The following CAMKMT variants were observed in gnomAD, a reference collection of about 807,000 sequenced individuals.
CAMKMT encodes calmodulin-lysine N-methyltransferase, also known as CaM KMT.
Under a neutral mutation model 48.0 loss-of-function variants are expected in CAMKMT, and 53 were observed. The observed-to-expected ratio is 1.10, with a 90% confidence interval of 0.89 to 1.39. CAMKMT has a LOEUF of 1.39. Ranked by LOEUF, CAMKMT falls within the 40% of genes most tolerant of loss-of-function variation. The probability of loss-of-function intolerance (pLI) is 0.00; values close to 1 mark genes in which losing one functional copy is unlikely to be tolerated. For missense variants in CAMKMT, 428 were observed against 402.7 expected (o/e 1.06, Z -0.54); for synonymous variants, 165 against 152.3 (o/e 1.08, Z -0.61).
Position 44,642,050 on chromosome 2 carries a change from G to T in CAMKMT, c.377-62233G>T, listed in dbSNP as rs546498459. ...TTCTGAAAGGCTTGTATTGTTTCCA[G>T]ACCTCTTACCTTATTTGTTTGTATT... On this transcript the variant is annotated intron_variant, in intron 3 of 10. Coordinates refer to ENST00000378494, the MANE Select transcript of CAMKMT (RefSeq NM_024766.5). Among the ~76,000 whole-genome samples, 13 of 152,280 alleles carry T rather than the reference G, an allele frequency of 8.5e-5. No homozygotes were observed. The South Asian group carries it at 2.1e-3, about 24-fold the overall frequency.
chr2:44,502,483 G>C lies in CAMKMT; in HGVS notation c.376+112178G>C, dbSNP rs535986993. ...CAGTGCTTTATTTCAGTTTCACTGT[G>C]TCCATTCTCTAGAAATTAATCTGAT... On this transcript the variant is annotated intron_variant, in intron 3 of 10. Coordinates refer to ENST00000378494, the MANE Select transcript of CAMKMT (RefSeq NM_024766.5). Among the ~76,000 whole-genome samples, 3 of 152,024 alleles carry C rather than the reference G, an allele frequency of 2.0e-5. No homozygotes were observed. In the East Asian group the frequency reaches 5.8e-4, roughly 29 times the overall value.
At chr2:44,453,077 T>TA (rs1667377063) in intron 3 of CAMKMT, among the ~76,000 whole-genome samples, 1 of 152,042 alleles carries the variant, frequency 6.6e-6, no homozygotes, top group Non-Finnish European at 1.5e-5. Context: ...GTTAACAACT[T>TA]ATCATGTATT....
At chr2:44,552,127 C>T (rs1463671059) in intron 3 of CAMKMT, among the ~76,000 whole-genome samples, 1 of 152,080 alleles carries the variant, frequency 6.6e-6, no homozygotes, top group Non-Finnish European at 1.5e-5. Context: ...GGTGATTTCT[C>T]ATCTCTCATC....
chr2:44,651,809 C>T (rs1336114838), intron 3 of CAMKMT, among the ~76,000 whole-genome samples: 1 of 152,112 alleles, frequency 6.6e-6, no homozygotes, highest in African/African-American at 2.4e-5. Flanking sequence ...TTAAAATCCT[C>T]CTGTACTTTT....
intron 1 of CAMKMT, among the ~76,000 whole-genome samples, chr2:44,369,201 T>G (rs1678919909): frequency 6.6e-6 from 1 of 152,116 alleles, no homozygotes; most frequent in Non-Finnish European, 1.5e-5. Context: ...TGCTTTTGAT[T>G]AAGTCTTTTA....
rs143916972 is a variant in CAMKMT, at chr2:44,525,358, C to T, written c.376+135053C>T. ...GCAACCTCTGCCTCCCGGATTCAAG[C>T]AATTCTCCTGCCTCAGCCTCCGAGT... On this transcript the variant is annotated intron_variant, in intron 3 of 10. Coordinates refer to ENST00000378494, the MANE Select transcript of CAMKMT (RefSeq NM_024766.5). 1.8e-3 allele frequency among the ~76,000 whole-genome samples: 268 copies of T among 152,112 alleles called. No homozygotes were observed. In the Middle Eastern group the frequency reaches 0.027, roughly 15 times the overall value.
At chr2:44,524,340 A>G (rs1460582416) in intron 3 of CAMKMT, among the ~76,000 whole-genome samples, 1 of 152,208 alleles carries the variant, frequency 6.6e-6, no homozygotes, top group Non-Finnish European at 1.5e-5. Context: ...CCATCCCATA[A>G]CCAGGAGTTG....
chr2:44,672,911 C>G (rs764622071), intron 3 of CAMKMT, among the ~76,000 whole-genome samples: 1 of 152,118 alleles, frequency 6.6e-6, no homozygotes, highest in East Asian at 1.9e-4. Context: ...TTCTAATAAA[C>G]AGACATTTCA....
chr2:44,720,086 A>G (rs1031650315), intron 7 of CAMKMT, among the ~76,000 whole-genome samples: 1 of 152,174 alleles, frequency 6.6e-6, no homozygotes, highest in Non-Finnish European at 1.5e-5. Flanking sequence ...AGATGGGCTC[A>G]TATCCCTACT....
intron 3 of CAMKMT, among the ~76,000 whole-genome samples, chr2:44,619,497 A>G (rs982981581): frequency 5.9e-5 from 9 of 152,132 alleles, no homozygotes; most frequent in Non-Finnish European, 1.0e-4. Context: ...GCAAACACAT[A>G]TGTGTGTGTA....
intron 3 of CAMKMT, among the ~76,000 whole-genome samples, chr2:44,634,957 G>A (rs563554648): frequency 1.3e-5 from 2 of 152,190 alleles, no homozygotes; most frequent in African/African-American, 2.4e-5. Context: ...GCCTGTAATC[G>A]CAGTGCTTTG....
Position 44,606,337 on chromosome 2 carries a change from CAA to C in CAMKMT, c.377-97943_377-97942del, listed in dbSNP as rs753726906. Among the ~76,000 whole-genome samples, 150 of 152,258 alleles carry C rather than the reference CAA, an allele frequency of 9.9e-4. 1 individual carries two copies. In the Middle Eastern group the frequency reaches 0.02, roughly 21 times the overall value. ...TGGATTGGCTGAAACGATTACCTCT[CAA>C]AATGACAAATATCTTTTTCCATTTA... is the stretch of plus-strand genomic sequence containing the variant. On this transcript the variant is annotated intron_variant, in intron 3 of 10. Transcript: ENST00000378494.
At chr2:44,472,453 C>T (rs1436544295) in intron 3 of CAMKMT, among the ~76,000 whole-genome samples, 1 of 152,160 alleles carries the variant, frequency 6.6e-6, no homozygotes. Context: ...CTGTGAGGCT[C>T]AATCTAATAA....
chr2:44,507,380 A>T (rs898919461), intron 3 of CAMKMT, among the ~76,000 whole-genome samples: 1 of 152,218 alleles, frequency 6.6e-6, no homozygotes, highest in African/African-American at 2.4e-5. Context: ...TTATAAAAAA[A>T]ACCTTATGGA....
At chr2:44,588,367 C>T (rs1314844635) in intron 3 of CAMKMT, among the ~76,000 whole-genome samples, 2 of 62,510 alleles carry the variant, frequency 3.2e-5, no homozygotes, top group African/African-American at 6.5e-5. Flanking sequence ...CTCCTCTGCC[C>T]GGCCGCGCCT....
At chr2:44,366,894 G>A (rs541807899) in intron 1 of CAMKMT, among the ~76,000 whole-genome samples, 176 of 152,026 alleles carry the variant, frequency 1.2e-3, no homozygotes, top group African/African-American at 4.1e-3. Context: ...GCTAATTTTT[G>A]TATTTTTTTT....
Position 44,743,607 on chromosome 2 carries a change from C to G in CAMKMT, c.624-15C>G, listed in dbSNP as rs1176953597. ...AAACCCTATGTATAATTTTTAAAATCTTTTTCTCCTCAAGCGTTTTACGAT... is the reference window on the plus strand; with the variant it reads ...AAACCCTATGTATAATTTTTAAAATGTTTTTCTCCTCAAGCGTTTTACGAT... On this transcript the variant is annotated splice_polypyrimidine_tract_variant and intron_variant, in intron 7 of 10. Transcript: ENST00000378494. The G allele has an allele frequency of 6.3e-7, 1 of 1,590,794 alleles. No individual in the cohort carries two copies. The highest frequency in any genetic ancestry group is 8.6e-7 in the Non-Finnish European group (1 of 1,168,030).
At chr2:44,587,811 G>C (rs936564323) in intron 3 of CAMKMT, among the ~76,000 whole-genome samples, 1 of 137,954 alleles carries the variant, frequency 7.2e-6, no homozygotes, top group Admixed American at 7.5e-5. Context: ...GTGCAGTGGC[G>C]TGATCTCGGC....
At chr2:44,488,120 T>G (rs1460719808) in intron 3 of CAMKMT, among the ~76,000 whole-genome samples, 1 of 152,254 alleles carries the variant, frequency 6.6e-6, no homozygotes, top group African/African-American at 2.4e-5. Context: ...CCAATATCAA[T>G]GACATTAAAG....
Sources: allele counts gnomAD v4.1 joint callset (sites outside exome capture counted in the v4.1 genomes callset), GRCh38; gene constraint gnomAD v4.1.1; transcripts MANE v1.5; gene names NCBI Gene and HGNC (gene_info 2026-07-23, HGNC 2026-07-21).